The following RALGPS1 variants were observed in gnomAD, a reference collection of about 807,000 sequenced individuals.
The protein encoded by RALGPS1 is ras-specific guanine nucleotide-releasing factor RalGPS1.
RALGPS1 carries 19 observed loss-of-function variants against 78.8 expected under a neutral mutation model. That is an observed-to-expected ratio of 0.24 (90% confidence interval 0.17 to 0.35). The LOEUF (loss-of-function observed/expected upper bound fraction) is 0.35. Ranked by LOEUF, RALGPS1 falls within the 10% of genes least tolerant of loss-of-function variation. The pLI is 1.00. For missense variants in RALGPS1, 454 were observed against 688.3 expected (o/e 0.66, Z 3.81); for synonymous variants, 228 against 256.3 (o/e 0.89, Z 1.06).
intron 7 of RALGPS1, among the ~76,000 whole-genome samples, 153 bp from the exon 8 acceptor site, chr9:127,069,077 C>T (rs546223691): frequency 2.9e-4 from 44 of 152,290 alleles, no homozygotes; most frequent in Middle Eastern, 3.4e-3. Context: ...TTCATATGCA[C>T]GAAACAGCCT....
chr9:126,977,897 A>G, intron 4 of RALGPS1, 152 bp downstream of exon 4: 1 of 536,026 alleles, frequency 1.9e-6, no homozygotes, highest in Non-Finnish European at 3.3e-6. Context: ...GATGGTGCTC[A>G]TGTTTTTGAG....
Position 127,215,624 on chromosome 9 carries a change from C to T in RALGPS1, c.1644+782C>T, listed in dbSNP as rs564416472. On this transcript the variant is annotated intron_variant, in intron 18 of 18. Transcript: ENST00000259351. ...GACTCCCCCGATTGTCTGCTTGTTG[C>T]CCCTGAGCCCTCCTGCCTCTCCTGC... Among the ~76,000 whole-genome samples, 25 of 152,280 alleles carry T rather than the reference C, an allele frequency of 1.6e-4. No individual in the cohort carries two copies. The East Asian group carries it at 4.8e-3, about 29-fold the overall frequency.
rs71377987 is a variant in RALGPS1 at position 127,046,672 on chromosome 9, C to CAAAAAA, written c.301-3355_301-3350dup. Among the ~76,000 whole-genome samples, 6 of 40,456 alleles carry CAAAAAA rather than the reference C, an allele frequency of 1.5e-4. 1 individual carries two copies. The highest frequency in any genetic ancestry group is 2.5e-4 in the Admixed American group (1 of 4,030). The allele number at this position is 40,456 out of a possible 152,430, so 26.5% of individuals were successfully genotyped here. ...GTGACATAGTGAGACCCCATCCATACAAAAAAAAAAAAAAAAAAAAAGCCA... is the reference window on the plus strand; with the variant it reads ...GTGACATAGTGAGACCCCATCCATACAAAAAAAAAAAAAAAAAAAAAAAAAAAGCCA... On this transcript the variant is annotated intron_variant, in intron 5 of 18. Coordinates refer to ENST00000259351, the MANE Select transcript of RALGPS1 (RefSeq NM_014636.3).
In RALGPS1 at chr9:127,183,872, C is replaced by T. The variant is rs1232123048; in HGVS notation, c.910+9090C>T. On this transcript the variant is annotated intron_variant, in intron 11 of 18. Transcript: ENST00000259351. The surrounding 1 kb of genome is among the most constrained non-coding windows in gnomAD (Gnocchi z 4.0). The stretch of plus-strand genomic sequence containing the variant: ...ACATCTCCTTTGTTCTTGAGTCTCC[C>T]ATCTCAGCAGCCTGTCACATCAAGG... 1.3e-6 allele frequency: 2 copies of T among 1,548,666 alleles called. No individual in the cohort carries two copies. The highest frequency in any genetic ancestry group is 1.2e-5 in the South Asian group (1 of 83,966).
intron 8 of RALGPS1, among the ~76,000 whole-genome samples, chr9:127,083,116 A>T (rs1052802949): frequency 6.6e-6 from 1 of 152,204 alleles, no homozygotes; most frequent in African/African-American, 2.4e-5. Context: ...ATGGGGACCA[A>T]TAACATCTGG....
At chr9:126,936,364 G>A (rs2036259808) in intron 1 of RALGPS1, among the ~76,000 whole-genome samples, 1 of 152,158 alleles carries the variant, frequency 6.6e-6, no homozygotes, top group Admixed American at 6.5e-5. Context: ...CCAAAGCGAG[G>A]AGATTAAAGT....
At chr9:127,204,204 T>C (rs1230555632) in intron 14 of RALGPS1, among the ~76,000 whole-genome samples, 1 of 152,036 alleles carries the variant, frequency 6.6e-6, no homozygotes, top group Non-Finnish European at 1.5e-5. Context: ...TCTCACTCTG[T>C]TTTCCAGGCT....
intron 8 of RALGPS1, among the ~76,000 whole-genome samples, chr9:127,165,500 A>G (rs975414155): frequency 3.3e-5 from 5 of 152,184 alleles, no homozygotes; most frequent in African/African-American, 1.2e-4. Flanking sequence ...TTTTTATTTC[A>G]CATCTTATTT....
At chr9:127,066,944 C>G (rs951476844) in intron 7 of RALGPS1, among the ~76,000 whole-genome samples, 4 of 152,150 alleles carry the variant, frequency 2.6e-5, no homozygotes, top group Admixed American at 2.0e-4. Context: ...CTGCTTCAGT[C>G]TCCCAAGTAG....
chr9:127,044,489 C>G (rs2047582542), intron 5 of RALGPS1, among the ~76,000 whole-genome samples: 1 of 152,186 alleles, frequency 6.6e-6, no homozygotes, highest in Non-Finnish European at 1.5e-5. Flanking sequence ...CTCCTGACCT[C>G]AGGTGATCTG....
chr9:127,218,667 C>G lies in RALGPS1; in HGVS notation c.1645-73C>G. ...ACTCACGGGGAAAGGCCTGTCCCTT[C>G]CCCTAGGGACCACCACCCCTTGTCC... On this transcript the variant is annotated intron_variant, in intron 18 of 18. Transcript: ENST00000259351. The surrounding 1 kb of genome is among the most constrained non-coding windows in gnomAD (Gnocchi z 4.4). The G allele has an allele frequency of 6.7e-7, 1 of 1,496,914 alleles. No homozygotes were observed. Among genetic ancestry groups the G allele is most frequent in the African/African-American group, 1.4e-5 (1 of 72,526 alleles). The allele number at this position is 1,496,914 out of a possible 1,614,324, so 92.7% of individuals were successfully genotyped here.
intron 11 of RALGPS1, among the ~76,000 whole-genome samples, chr9:127,182,253 G>A (rs1319076168): frequency 2.0e-5 from 3 of 151,538 alleles, no homozygotes; most frequent in Non-Finnish European, 2.9e-5. Context: ...AGAAGCAGAT[G>A]CTGGCAGCAT....
chr9:127,216,027 G>A (rs542686598), intron 18 of RALGPS1: 1 of 152,472 alleles, frequency 6.6e-6, no homozygotes, highest in Admixed American at 6.5e-5. Context: ...GCAAAGGCAA[G>A]TTCATACCAG....
chr9:127,214,689 C>T, intron 17 of RALGPS1, 62 bp from the exon 18 acceptor site: 1 of 1,554,184 alleles, frequency 6.4e-7, no homozygotes, highest in Non-Finnish European at 8.6e-7. Context: ...CTCTTTATGC[C>T]AGTCACCAGC....
rs78590658 is a variant in RALGPS1, at chr9:127,184,354, T to C, written c.910+9572T>C. On this transcript the variant is annotated intron_variant, in intron 11 of 18. Transcript: ENST00000259351. Reference sequence around the variant, plus strand: ...AAAAAAAAGGAAATGAACCAGGCCCTCTAAATGATGTGTGAGACAGCTCTT... The same window carrying C: ...AAAAAAAAGGAAATGAACCAGGCCCCCTAAATGATGTGTGAGACAGCTCTT... The C allele has an allele frequency of 5.4e-3, 1,776 of 328,808 alleles. 43 individuals carry two copies. The highest frequency in any genetic ancestry group is 0.036 in the African/African-American group (1,633 of 45,860). The allele number at this position is 328,808 out of a possible 1,614,324, so 20.4% of individuals were successfully genotyped here.
rs1215861623 is a variant in RALGPS1, at chr9:127,218,612, C to T, written c.1645-128C>T. On this transcript the variant is annotated intron_variant, in intron 18 of 18. Coordinates refer to ENST00000259351, the MANE Select transcript of RALGPS1 (RefSeq NM_014636.3). This position sits in a 1 kb window ranked among gnomAD's most constrained non-coding sequence, Gnocchi z 4.4. ...GGGGTGGCTATTGTTATTGCCATAC[C>T]CTCTCCCTACCCAACCTGCTCATTC... 4.2e-6 allele frequency: 4 copies of T among 962,220 alleles called. No homozygotes were observed. The highest frequency in any genetic ancestry group is 3.2e-5 in the African/African-American group (2 of 62,192). The allele number at this position is 962,220 out of a possible 1,614,324, so 59.6% of individuals were successfully genotyped here.
rs550161909 is a variant in RALGPS1, at chr9:126,930,568, G to T, written c.-66+15593G>T. Among the ~76,000 whole-genome samples, 3 of 152,266 alleles carry T rather than the reference G, an allele frequency of 2.0e-5. No homozygotes were observed. In the East Asian group the frequency reaches 5.8e-4, roughly 29 times the overall value. ...GACGGTTCTCATGCTTCAGCCTCCTGTGTAGCTAGGATTACAGGCCTGTGC... is the reference window on the plus strand; with the variant it reads ...GACGGTTCTCATGCTTCAGCCTCCTTTGTAGCTAGGATTACAGGCCTGTGC... On this transcript the variant is annotated intron_variant, in intron 1 of 18. Coordinates refer to ENST00000259351, the MANE Select transcript of RALGPS1 (RefSeq NM_014636.3).
intron 11 of RALGPS1, among the ~76,000 whole-genome samples, chr9:127,180,158 A>G (rs1050331741): frequency 6.6e-6 from 1 of 152,254 alleles, no homozygotes; most frequent in Non-Finnish European, 1.5e-5. Flanking sequence ...AGAGAAAAAA[A>G]TCATAAAGAA....
chr9:127,039,647 G>T (rs1266951332), intron 5 of RALGPS1, among the ~76,000 whole-genome samples: 1 of 152,180 alleles, frequency 6.6e-6, no homozygotes, highest in African/African-American at 2.4e-5. Flanking sequence ...TCTCAGAAAA[G>T]GTGGAAGAAG....
Sources: gnomAD v4.1 joint callset for allele counts (sites outside exome capture counted in the v4.1 genomes callset) on GRCh38, gnomAD v4.1.1 for gene constraint, Gnocchi (gnomAD v3.1) non-coding constraint, MANE v1.5 for transcripts, NCBI Gene and HGNC (gene_info 2026-07-23, HGNC 2026-07-21) for gene names.